Variants in GNG7 observed in about 807,000 individuals in gnomAD.
The protein encoded by GNG7 is guanine nucleotide-binding protein G(I)/G(S)/G(O) subunit gamma-7.
A neutral mutation model predicts 4.0 loss-of-function variants in GNG7; 1 was observed. The observed-to-expected ratio is 0.25, with a 90% CI of 0.09 to 1.18. GNG7 has a LOEUF of 1.18. Among genes scored for constraint, GNG7 ranks in the 50% most tolerant of loss-of-function variants. The pLI, the probability that GNG7 is intolerant of heterozygous loss-of-function variation, is 0.50. For missense variants in GNG7, 86 were observed against 91.9 expected (o/e 0.94, Z 0.26); for synonymous variants, 34 against 36.9 (o/e 0.92, Z 0.29).
intron 2 of GNG7, among the ~76,000 whole-genome samples, chr19:2,592,566 C>A (rs1046915445): frequency 6.6e-6 from 1 of 151,846 alleles, no homozygotes; most frequent in Non-Finnish European, 1.5e-5. Context: ...AAGATCCTAT[C>A]TCTAGAAAAA....
chr19:2,601,467 C>T (rs1981197453), intron 2 of GNG7, among the ~76,000 whole-genome samples: 1 of 152,158 alleles, frequency 6.6e-6, no homozygotes, highest in South Asian at 2.1e-4. Flanking sequence ...GTCTGTCTCC[C>T]CTGCTCTACA....
At chr19:2,668,554 C>T (rs1246432316) in intron 1 of GNG7, among the ~76,000 whole-genome samples, 13 of 152,222 alleles carry the variant, frequency 8.5e-5, no homozygotes, top group Admixed American at 5.2e-4. Flanking sequence ...CCGGAACACC[C>T]GAGGCCAATT....
chr19:2,589,888 T>C (rs2144800089), intron 2 of GNG7, among the ~76,000 whole-genome samples: 1 of 152,278 alleles, frequency 6.6e-6, no homozygotes, highest in African/African-American at 2.4e-5. Context: ...CTCAGCTCAC[T>C]GCAACCTCCA....
At chr19:2,630,568 GC>G (rs1264200208) in intron 2 of GNG7, 5 of 151,990 alleles carry the variant, frequency 3.3e-5, no homozygotes, top group African/African-American at 9.7e-5. Context: ...GCTGAGAGTT[GC>G]CCCCTCCTGA....
chr19:2,662,728 G>T (rs150297088), intron 1 of GNG7, among the ~76,000 whole-genome samples: 1 of 152,046 alleles, frequency 6.6e-6, no homozygotes, highest in East Asian at 1.9e-4. Context: ...GTTTTATGGA[G>T]GCTTTACTTC....
At position 2,513,659 on chromosome 19, in the gene GNG7, G is replaced by T; in HGVS notation, c.*1363C>A. The T allele has an allele frequency of 1.3e-6, 1 of 781,296 alleles. No homozygotes were observed. The highest frequency in any genetic ancestry group is 1.6e-6 in the Non-Finnish European group (1 of 643,836). The allele number at this position is 781,296 out of a possible 1,614,324, so 48.4% of individuals were successfully genotyped here. On this transcript the variant is annotated 3_prime_UTR_variant, in exon 5 of 5. Coordinates refer to ENST00000382159, the MANE Select transcript of GNG7 (RefSeq NM_052847.3). Reference sequence around the variant, plus strand: ...CAAAAAGATCGGGTTCGAGCGACAGGGTAACGTTTTGAGCGGACGTTTTGA... The same window carrying T: ...CAAAAAGATCGGGTTCGAGCGACAGTGTAACGTTTTGAGCGGACGTTTTGA...
intron 2 of GNG7, among the ~76,000 whole-genome samples, chr19:2,567,818 C>A (rs1979968263): frequency 6.6e-6 from 1 of 152,162 alleles, no homozygotes; most frequent in African/African-American, 2.4e-5. Flanking sequence ...CTTCAGAGCA[C>A]CAGACTCCGA....
At chr19:2,640,064 G>A (rs1272183548) in intron 2 of GNG7, among the ~76,000 whole-genome samples, 6 of 105,128 alleles carry the variant, frequency 5.7e-5, no homozygotes, top group African/African-American at 1.8e-4. Flanking sequence ...GAAGGAGGGA[G>A]GGAGAGAGGG....
chr19:2,684,176 G>C (rs189985694), intron 1 of GNG7, among the ~76,000 whole-genome samples: 1,663 of 141,188 alleles, frequency 0.012, 45 homozygotes, highest in African/African-American at 0.042. Flanking sequence ...TCACTCTGTC[G>C]CCCAGGCTGG....
intron 1 of GNG7, among the ~76,000 whole-genome samples, chr19:2,693,485 C>T (rs1913180015): frequency 1.3e-5 from 2 of 151,574 alleles, no homozygotes; most frequent in Non-Finnish European, 1.5e-5. Flanking sequence ...AATTAACATA[C>T]ATCAAAGGTA....
intron 1 of GNG7, among the ~76,000 whole-genome samples, chr19:2,651,223 A>ACTTCCTTC (rs1225749956): frequency 2.2e-5 from 3 of 135,286 alleles, no homozygotes; most frequent in Non-Finnish European, 3.2e-5. Flanking sequence ...TCTCTGTCCG[A>ACTTCCTTC]CTTCCTTCCT....
intron 1 of GNG7, among the ~76,000 whole-genome samples, chr19:2,655,755 C>T (rs1397360346): frequency 6.9e-6 from 1 of 144,440 alleles, no homozygotes; most frequent in African/African-American, 2.5e-5. Flanking sequence ...AAGAGAATGG[C>T]GTGAACCCGG....
intron 2 of GNG7, among the ~76,000 whole-genome samples, chr19:2,569,135 G>GCA (rs913025632): frequency 2.0e-5 from 3 of 151,830 alleles, no homozygotes; most frequent in Admixed American, 6.6e-5. Flanking sequence ...ACAGGTGCGC[G>GCA]CACACACACA....
chr19:2,545,188 C>A (rs35429067), intron 3 of GNG7, among the ~76,000 whole-genome samples: 12,376 of 148,944 alleles, frequency 0.083, 619 homozygotes, highest in South Asian at 0.17. Flanking sequence ...CGCTGTCTGG[C>A]GACATCTGTG....
Position 2,528,269 on chromosome 19 carries a change from TA to T in GNG7, c.-37-7545del, listed in dbSNP as rs59084924. ...CTGGGTGACAGAGTGAGACCCTGTC[TA>T]AAAAAAAAAAAAAAAAAAAAGGCCT... On this transcript the variant is annotated intron_variant, in intron 3 of 4. Coordinates refer to ENST00000382159, the MANE Select transcript of GNG7 (RefSeq NM_052847.3). 4.0e-3 allele frequency among the ~76,000 whole-genome samples: 316 copies of T among 78,834 alleles called. 1 individual carries two copies. In the East Asian group the frequency reaches 0.052, roughly 13 times the overall value. The allele number at this position is 78,834 out of a possible 152,430, so 51.7% of individuals were successfully genotyped here.
rs1981481786 is a variant in GNG7 at position 2,609,082 on chromosome 19, A to C, written c.-78+37142T>G. Among the ~76,000 whole-genome samples, 1 of 151,722 alleles carries C rather than the reference A, an allele frequency of 6.6e-6. No individual in the cohort carries two copies. Among genetic ancestry groups the C allele is most frequent in the Non-Finnish European group, 1.5e-5 (1 of 67,988 alleles). Reference sequence around the variant, plus strand: ...CACTCCATCTTCCAGGCTGGAGTGCAGTGGTGCGATCTTGGCTCACCGCAA... The same window carrying C: ...CACTCCATCTTCCAGGCTGGAGTGCCGTGGTGCGATCTTGGCTCACCGCAA... On this transcript the variant is annotated intron_variant, in intron 2 of 4. Coordinates refer to ENST00000382159, the MANE Select transcript of GNG7 (RefSeq NM_052847.3). The surrounding 1 kb of genome is among the most constrained non-coding windows in gnomAD (Gnocchi z 4.4).
intron 4 of GNG7, 41 bp downstream of exon 4, chr19:2,520,567 A>C: frequency 8.3e-7 from 1 of 1,205,264 alleles, no homozygotes; most frequent in Non-Finnish European, 1.2e-6. Context: ...GGGGCCCCCA[A>C]GGGTCTCTCC....
rs201327746 is a variant in GNG7, at chr19:2,557,321, A to G, written c.-77-2133T>C. Among the ~76,000 whole-genome samples, 8 of 130,638 alleles carry G rather than the reference A, an allele frequency of 6.1e-5. No individual in the cohort carries two copies. The highest frequency in any genetic ancestry group is 2.0e-4 in the African/African-American group (7 of 34,972). The allele number at this position is 130,638 out of a possible 152,430, so 85.7% of individuals were successfully genotyped here. A position where few individuals can be genotyped will look rare whatever the true frequency, so the allele number is the denominator to read the frequency against. ...GGTGCACATACACGCACAGACACACATGTGCACACAGACACACACATGTGC... is the reference window on the plus strand; with the variant it reads ...GGTGCACATACACGCACAGACACACGTGTGCACACAGACACACACATGTGC... On this transcript the variant is annotated intron_variant, in intron 2 of 4. Coordinates refer to ENST00000382159, the MANE Select transcript of GNG7 (RefSeq NM_052847.3). This position sits in a 1 kb window ranked among gnomAD's most constrained non-coding sequence, Gnocchi z 5.1.
chr19:2,511,704 G>A lies in GNG7; in HGVS notation c.*3318C>T, dbSNP rs150629071. ...GCCTGGAGGCCTAGCGTTGCGCCTCGGACACGGTGGCCGGCCCGTCAAAGG... is the reference window on the plus strand; with the variant it reads ...GCCTGGAGGCCTAGCGTTGCGCCTCAGACACGGTGGCCGGCCCGTCAAAGG... On this transcript the variant is annotated 3_prime_UTR_variant, in exon 5 of 5. Coordinates refer to ENST00000382159, the MANE Select transcript of GNG7 (RefSeq NM_052847.3). The surrounding 1 kb of genome is among the most constrained non-coding windows in gnomAD (Gnocchi z 6.3). The A allele has an allele frequency of 0.014, 9,907 of 710,794 alleles. 104 individuals carry two copies. Among genetic ancestry groups the A allele is most frequent in the African/African-American group, 0.034 (1,739 of 51,698 alleles). The allele number at this position is 710,794 out of a possible 1,614,324, so 44.0% of individuals were successfully genotyped here. A position where few individuals can be genotyped will look rare whatever the true frequency, so the allele number is the denominator to read the frequency against.
Sources: allele counts gnomAD v4.1 joint callset (sites outside exome capture counted in the v4.1 genomes callset), GRCh38; gene constraint gnomAD v4.1.1; non-coding constraint Gnocchi (gnomAD v3.1); transcripts MANE v1.5; gene names NCBI Gene and HGNC (gene_info 2026-07-23, HGNC 2026-07-21).